The following COL4A2 variants were observed in gnomAD, a reference collection of about 807,000 sequenced individuals.
COL4A2 encodes collagen alpha-2(IV) chain.
A neutral mutation model predicts 200.2 loss-of-function variants in COL4A2; 99 were observed. The ratio of observed to expected loss-of-function variants is 0.49; its 90% CI spans 0.42 to 0.58. The LOEUF is 0.58. COL4A2 is among the 20% of genes least tolerant of loss of function. The pLI, the probability that COL4A2 is intolerant of heterozygous loss-of-function variation, is 0.00. For missense variants in COL4A2, 1,950 were observed against 2,314.1 expected (o/e 0.84, Z 3.23); for synonymous variants, 897 against 900.6 (o/e 1.00, Z 0.07).
At chr13:110,451,186 AC>A (rs1162316926) in intron 20 of COL4A2, among the ~76,000 whole-genome samples, 1 of 152,178 alleles carries the variant, frequency 6.6e-6, no homozygotes. Flanking sequence ...CAGCAGGGAA[AC>A]ATGCAGTCCC....
chr13:110,392,452 C>G (rs77851462), intron 4 of COL4A2, among the ~76,000 whole-genome samples: 7,890 of 152,178 alleles, frequency 0.052, 284 homozygotes, highest in East Asian at 0.09. Context: ...CTGGGACCCT[C>G]GAGGGCAGTG....
At position 110,461,654 on chromosome 13, in the gene COL4A2, G is replaced by A. The variant is rs559517230; in HGVS notation, c.1597-460G>A. ...TCCTGCCTCAGCCTCCCGAGTAGCT[G>A]GGATTACAGGCGTGCACCACCACAC... On this transcript the variant is annotated intron_variant, in intron 22 of 47. Coordinates refer to ENST00000360467, the MANE Select transcript of COL4A2 (RefSeq NM_001846.4). Among the ~76,000 whole-genome samples, 278 of 152,220 alleles carry A rather than the reference G, an allele frequency of 1.8e-3. 1 individual carries two copies. Among genetic ancestry groups the A allele is most frequent in the African/African-American group, 5.5e-3 (227 of 41,526 alleles).
At chr13:110,330,264 C>T (rs1875845378) in intron 3 of COL4A2, among the ~76,000 whole-genome samples, 1 of 152,126 alleles carries the variant, frequency 6.6e-6, no homozygotes, top group Non-Finnish European at 1.5e-5. Flanking sequence ...ACTAAGCAGA[C>T]AACTGACGTG....
chr13:110,402,524 C>G lies in COL4A2; in HGVS notation c.181-22210C>G, dbSNP rs561832944. On this transcript the variant is annotated intron_variant, in intron 4 of 47. Coordinates refer to ENST00000360467, the MANE Select transcript of COL4A2 (RefSeq NM_001846.4). ...CTCCCATGGCTTCACTGGGCACAGC[C>G]TTCATTGCAGCTCTCCAGGCTGGGC... Among the ~76,000 whole-genome samples, 22 of 152,316 alleles carry G rather than the reference C, an allele frequency of 1.4e-4. 1 individual carries two copies. Among genetic ancestry groups the G allele is most frequent in the South Asian group, 4.1e-4 (2 of 4,830 alleles).
At chr13:110,348,969 A>T (rs1290649187) in intron 3 of COL4A2, among the ~76,000 whole-genome samples, 1 of 152,224 alleles carries the variant, frequency 6.6e-6, no homozygotes, top group Non-Finnish European at 1.5e-5. Context: ...TGCGATTCAT[A>T]TAACTCGATT....
chr13:110,381,515 T>G (rs952530947), intron 4 of COL4A2, among the ~76,000 whole-genome samples: 2 of 152,268 alleles, frequency 1.3e-5, no homozygotes, highest in African/African-American at 4.8e-5. Context: ...GCTGTGCATC[T>G]TTCTGCCAGG....
chr13:110,359,864 C>G (rs942942360), intron 4 of COL4A2, among the ~76,000 whole-genome samples: 1 of 152,226 alleles, frequency 6.6e-6, no homozygotes, highest in Non-Finnish European at 1.5e-5. Flanking sequence ...GCTCCCATCT[C>G]TCCACCTGCT....
chr13:110,366,742 G>T (rs1054477288), intron 4 of COL4A2, among the ~76,000 whole-genome samples: 11 of 152,290 alleles, frequency 7.2e-5, no homozygotes, highest in African/African-American at 2.4e-4. Context: ...CATCTTCGAA[G>T]GGTGAAGATG....
intron 34 of COL4A2, 83 bp from the exon 35 acceptor site, chr13:110,489,362 G>A (rs1883208254): frequency 7.6e-7 from 1 of 1,311,272 alleles, no homozygotes; most frequent in African/African-American, 1.5e-5. Context: ...TTAGCATACT[G>A]GATAGTTAAA....
intron 16 of COL4A2, among the ~76,000 whole-genome samples, chr13:110,444,892 C>T (rs564920064): frequency 1.3e-5 from 2 of 152,138 alleles, no homozygotes; most frequent in Non-Finnish European, 2.9e-5. Context: ...GCTGTGTTGC[C>T]CAGGCTGGAG....
At chr13:110,459,717 G>A (rs1881945288) in intron 22 of COL4A2, 1 of 152,132 alleles carries the variant, frequency 6.6e-6, no homozygotes, top group Admixed American at 6.6e-5. Flanking sequence ...TTAAAACAGT[G>A]AACTTTGTGC....
intron 45 of COL4A2, among the ~76,000 whole-genome samples, chr13:110,505,026 C>T (rs1352072770): frequency 6.6e-6 from 1 of 151,036 alleles, no homozygotes; most frequent in Non-Finnish European, 1.5e-5. Context: ...CAGTTTGAGC[C>T]AATGGTCTGA....
In COL4A2 at chr13:110,506,477, G is replaced by A. The variant is rs760682735; in HGVS notation, c.4465G>A (p.Gly1489Ser). The change falls in exon 46 of 48, where the codon GGC becomes AGC. Residue 1489 changes from glycine to serine, a missense_variant. This residue lies in a region of COL4A2 where 1,385 missense variants were observed against 1,720.5 expected (regional missense o/e 0.80). Coordinates refer to ENST00000360467, the MANE Select transcript of COL4A2 (RefSeq NM_001846.4). ...TATGCCAGGCCGCAGCGTCAGCATC[G>A]GCTACCTCCTGGTGAAGCACAGCCA... is the stretch of plus-strand genomic sequence containing the variant. ...PGMPGRSVSI[G>S]YLLVKHSQTD... 38 of 1,612,314 alleles carry A rather than the reference G, an allele frequency of 2.4e-5. No individual in the cohort carries two copies. The highest frequency in any genetic ancestry group is 5.5e-5 in the South Asian group (5 of 90,928).
intron 3 of COL4A2, among the ~76,000 whole-genome samples, chr13:110,345,092 G>T (rs933312708): frequency 6.6e-6 from 1 of 151,944 alleles, no homozygotes; most frequent in African/African-American, 2.4e-5. Context: ...GAATGAGTGG[G>T]GACTAGATGT....
intron 27 of COL4A2, chr13:110,468,040 C>T (rs1053990299): frequency 2.4e-6 from 1 of 416,072 alleles, no homozygotes; most frequent in South Asian, 1.8e-5. Context: ...CTAGATGCTT[C>T]CTGCTGCACA....
intron 34 of COL4A2, among the ~76,000 whole-genome samples, chr13:110,487,885 G>A (rs1054717495): frequency 4.6e-5 from 7 of 152,208 alleles, no homozygotes; most frequent in African/African-American, 1.7e-4. Context: ...ATTGAGCTGT[G>A]CGTTTAAGAT....
chr13:110,394,902 A>G (rs1211097650), intron 4 of COL4A2, among the ~76,000 whole-genome samples: 1 of 152,218 alleles, frequency 6.6e-6, no homozygotes, highest in South Asian at 2.1e-4. Context: ...TTCAATTCAG[A>G]ACAAATTCAA....
chr13:110,438,103 T>C, intron 14 of COL4A2, 66 bp downstream of exon 14: 2 of 1,400,910 alleles, frequency 1.4e-6, no homozygotes, highest in Admixed American at 3.5e-5. Flanking sequence ...CTGCCAGGCA[T>C]GACGGGGTGC....
At chr13:110,433,933 A>G (rs1425859025) in intron 11 of COL4A2, among the ~76,000 whole-genome samples, 3 of 152,214 alleles carry the variant, frequency 2.0e-5, no homozygotes, top group Non-Finnish European at 4.4e-5. Context: ...TTACATTCTG[A>G]TTGATTTTAA....
Sources: allele counts gnomAD v4.1 joint callset (sites outside exome capture counted in the v4.1 genomes callset), GRCh38; gene constraint gnomAD v4.1.1; regional missense constraint gnomAD v4.1.1; transcripts MANE v1.5; gene names NCBI Gene and HGNC (gene_info 2026-07-23, HGNC 2026-07-21).